MGAT5: variants seen among roughly 807,000 people sequenced by gnomAD.
The protein encoded by MGAT5 is alpha-1,6-mannosylglycoprotein 6-beta-N-acetylglucosaminyltransferase A.
Under a neutral mutation model 94.3 loss-of-function variants are expected in MGAT5, and 30 were observed. The observed-to-expected ratio is 0.32, with a 90% CI of 0.24 to 0.43. The LOEUF (loss-of-function observed/expected upper bound fraction) is 0.43, where lower values mean the gene tolerates loss of function less well. MGAT5 is among the 20% of genes least tolerant of loss of function. MGAT5 has a pLI of 1.00. For missense variants in MGAT5, 691 were observed against 905.5 expected (o/e 0.76, Z 3.04); for synonymous variants, 310 against 322.9 (o/e 0.96, Z 0.43).
chr2:134,319,711 G>T (rs1687206874), intron 4 of MGAT5: 3 of 405,138 alleles, frequency 7.4e-6, no homozygotes, highest in Non-Finnish European at 1.5e-5. Flanking sequence ...CATCCATGCT[G>T]TGGTGGAATT....
intron 2 of MGAT5, among the ~76,000 whole-genome samples, chr2:134,283,582 ACTT>A (rs1684827162): frequency 6.7e-6 from 1 of 150,240 alleles, no homozygotes; most frequent in African/African-American, 2.5e-5. Context: ...ATAGGGTTCA[ACTT>A]CTTGTCTGTA....
At chr2:134,404,990 T>TA (rs1405187282) in intron 11 of MGAT5, among the ~76,000 whole-genome samples, 2 of 152,256 alleles carry the variant, frequency 1.3e-5, no homozygotes, top group Admixed American at 1.3e-4. Flanking sequence ...CAAGCTCCTT[T>TA]AAAAAACACT....
rs180721247 is a variant in MGAT5, at chr2:134,269,868, G to A, written c.242-518G>A. 5.9e-5 allele frequency among the ~76,000 whole-genome samples: 9 copies of A among 152,310 alleles called. No homozygotes were observed. In the East Asian group the frequency reaches 1.5e-3, roughly 26 times the overall value. On this transcript the variant is annotated intron_variant, in intron 1 of 15. Coordinates refer to ENST00000281923, the MANE Select transcript of MGAT5 (RefSeq NM_002410.5). The stretch of plus-strand genomic sequence containing the variant: ...TAAATCTGATTATAGTCAACTCTGG[G>A]TTACCTAGCAGACCTGAAAATCTGG...
chr2:134,327,311 C>T lies in MGAT5; in HGVS notation c.573+8572C>T, dbSNP rs868262178. ...TGGTACCTGAAACTGAGGGTGGTAC[C>T]GAACCCTCCATATACTATACTTTTT... On this transcript the variant is annotated intron_variant, in intron 4 of 15. Transcript: ENST00000281923. Among the ~76,000 whole-genome samples the T allele has an allele frequency of 2.6e-5, 4 of 151,966 alleles. No individual in the cohort carries two copies. The East Asian group carries it at 5.8e-4, about 22-fold the overall frequency.
At chr2:134,378,404 A>G (rs1308349656) in intron 10 of MGAT5, among the ~76,000 whole-genome samples, 4 of 152,168 alleles carry the variant, frequency 2.6e-5, no homozygotes, top group Non-Finnish European at 5.9e-5. Context: ...TCTACTTGAC[A>G]AGGCACTCAG....
At chr2:134,159,586 C>T (rs971545643) in intron 1 of MGAT5, among the ~76,000 whole-genome samples, 1 of 152,162 alleles carries the variant, frequency 6.6e-6, no homozygotes, top group Non-Finnish European at 1.5e-5. Flanking sequence ...CGCCTGCAAT[C>T]CCAGTACCTT....
rs114154849 is a variant in MGAT5 at position 134,309,456 on chromosome 2, C to T, written c.407-8073C>T. On this transcript the variant is annotated intron_variant, in intron 2 of 15. Coordinates refer to ENST00000281923, the MANE Select transcript of MGAT5 (RefSeq NM_002410.5). ...CTAGTTGAGGGTTCTACTTTCTTTA[C>T]ATCCTTGGCAACACTTGTTATTGTC... Among the ~76,000 whole-genome samples the T allele has an allele frequency of 7.9e-3, 1,196 of 152,314 alleles. 15 individuals are homozygous for T. The highest frequency in any genetic ancestry group is 0.027 in the African/African-American group (1,140 of 41,570).
chr2:134,222,768 C>T (rs1680852397), intron 1 of MGAT5, among the ~76,000 whole-genome samples: 1 of 152,260 alleles, frequency 6.6e-6, no homozygotes, highest in African/African-American at 2.4e-5. Context: ...GACTTAGAGC[C>T]AATTAATTGT....
chr2:134,292,015 T>C (rs574674412), intron 2 of MGAT5, among the ~76,000 whole-genome samples: 11 of 152,074 alleles, frequency 7.2e-5, no homozygotes, highest in Non-Finnish European at 1.5e-4. Context: ...GGTTGGCATA[T>C]ATGATTATAC....
intron 2 of MGAT5, among the ~76,000 whole-genome samples, chr2:134,275,689 C>A (rs547575187): frequency 2.0e-5 from 3 of 151,364 alleles, no homozygotes; most frequent in African/African-American, 4.9e-5. Flanking sequence ...GTCCCCACCC[C>A]CTGCCGCCTC....
At chr2:134,309,023 ACT>A (rs2105860560) in intron 2 of MGAT5, among the ~76,000 whole-genome samples, 1 of 151,982 alleles carries the variant, frequency 6.6e-6, no homozygotes, top group African/African-American at 2.4e-5. Context: ...CCACGAATTC[ACT>A]CTCTCTCTAG....
intron 1 of MGAT5, among the ~76,000 whole-genome samples, chr2:134,160,288 A>C (rs973409803): frequency 6.6e-6 from 1 of 152,156 alleles, no homozygotes; most frequent in African/African-American, 2.4e-5. Context: ...ACTCTCCTGC[A>C]TCAGCCTCCC....
At chr2:134,423,458 G>A (rs1046779536) in intron 13 of MGAT5, among the ~76,000 whole-genome samples, 6 of 152,160 alleles carry the variant, frequency 3.9e-5, no homozygotes, top group African/African-American at 7.2e-5. Flanking sequence ...TGTGGAGGGC[G>A]GGGTGTTTAC....
chr2:134,367,430 A>C (rs1253677671), intron 10 of MGAT5, among the ~76,000 whole-genome samples: 1 of 152,250 alleles, frequency 6.6e-6, no homozygotes, highest in Non-Finnish European at 1.5e-5. Flanking sequence ...TGTTTTTGTC[A>C]ATTACATTTT....
intron 2 of MGAT5, among the ~76,000 whole-genome samples, chr2:134,287,097 T>C (rs2105752989): frequency 6.6e-6 from 1 of 152,344 alleles, no homozygotes; most frequent in East Asian, 1.9e-4. Flanking sequence ...ACTGGGTGGA[T>C]TGTGCACATT....
At chr2:134,151,963 C>G (rs1356227067) in intron 1 of MGAT5, among the ~76,000 whole-genome samples, 3 of 143,832 alleles carry the variant, frequency 2.1e-5, no homozygotes, top group Admixed American at 6.9e-5. Flanking sequence ...CTCACTCAAG[C>G]CCTATGGGAC....
chr2:134,362,536 G>A, intron 10 of MGAT5, 128 bp downstream of exon 10: 1 of 1,187,530 alleles, frequency 8.4e-7, no homozygotes, highest in South Asian at 1.5e-5. Flanking sequence ...ACATAAACAA[G>A]AATGTGCAAA....
rs1344158072 is a variant in MGAT5, at chr2:134,331,535, A to T, written c.574-4682A>T. The stretch of plus-strand genomic sequence containing the variant: ...TGGTAAATTGTAGGCTACTTTTAAG[A>T]CTGTCCAGTCCCTTCCCTGGCAGAG... On this transcript the variant is annotated intron_variant, in intron 4 of 15. Coordinates refer to ENST00000281923, the MANE Select transcript of MGAT5 (RefSeq NM_002410.5). 2.6e-5 allele frequency among the ~76,000 whole-genome samples: 4 copies of T among 152,040 alleles called. No homozygotes were observed. The East Asian group carries it at 7.7e-4, about 29-fold the overall frequency.
intron 1 of MGAT5, among the ~76,000 whole-genome samples, chr2:134,248,080 CTTTAGT>C (rs1475601153): frequency 6.6e-6 from 1 of 152,208 alleles, no homozygotes; most frequent in Non-Finnish European, 1.5e-5. Context: ...ATCACATCCA[CTTTAGT>C]TTAACCCTGC....
Sources: allele counts gnomAD v4.1 joint callset (sites outside exome capture counted in the v4.1 genomes callset), GRCh38; gene constraint gnomAD v4.1.1; transcripts MANE v1.5; gene names NCBI Gene and HGNC (gene_info 2026-07-23, HGNC 2026-07-21).